RAET1L: variants seen among roughly 807,000 people sequenced by gnomAD.
The protein encoded by RAET1L is retinoic acid early transcript 1L, also known as UL16-binding protein 6.
RAET1L carries 16 observed loss-of-function variants against 23.9 expected under a neutral mutation model. The ratio of observed to expected loss-of-function variants is 0.67; its 90% CI spans 0.45 to 1.02. The LOEUF (loss-of-function observed/expected upper bound fraction) is 1.02, where lower values mean the gene tolerates loss of function less well. Among genes scored for constraint, RAET1L ranks in the 50% least tolerant of loss-of-function variants. RAET1L has a pLI of 0.00. For synonymous variants in RAET1L, 70 were observed against 111.2 expected, an observed-to-expected ratio of 0.63 and a Z score of 2.33; for missense variants, 233 against 304.0, an observed-to-expected ratio of 0.77 and a Z score of 1.74.
At chr6:150,025,247 G>A (rs1182673832) in intron 1 of RAET1L, 140 bp downstream of exon 1, 10 of 666,114 alleles carry the variant, frequency 1.5e-5, no homozygotes, top group Non-Finnish European at 1.5e-5. Context: ...AAGGAGCCCA[G>A]GAGGGGAACT....
intron 1 of RAET1L, 148 bp downstream of exon 1, chr6:150,025,239 G>A: frequency 1.6e-6 from 1 of 625,420 alleles, no homozygotes; most frequent in Non-Finnish European, 2.7e-6. Flanking sequence ...CCGGCGGGAA[G>A]GAGCCCAGGA....
In RAET1L at chr6:150,020,993, G is replaced by A; in HGVS notation, c.543C>T (p.Ser181=). ...AGTCTCCCATTGAGATGTAATGGAA[G>A]GACATGGCCACATCCTTGTCATTCT... The part of the protein sequence containing the change: ...KWENDKDVAM[S]FHYISMGDCI... The change falls in exon 3 of 5, where the codon TCC becomes TCT. Residue 181 remains serine, a synonymous_variant. Coordinates refer to ENST00000367341, the MANE Select transcript of RAET1L (RefSeq NM_130900.3). The A allele has an allele frequency of 6.2e-7, 1 of 1,614,194 alleles. No homozygotes were observed. Among genetic ancestry groups the A allele is most frequent in the Non-Finnish European group, 8.5e-7 (1 of 1,180,050 alleles).
rs1297769560 is a variant in RAET1L, at chr6:150,019,886, C to T, written c.*22+222G>A. ...GCCTTGGTATGGGCCCCTCCCTTTC[C>T]CTCTGGACTCTGAAGGTGAGAAACC... On this transcript the variant is annotated intron_variant, in intron 4 of 4. Coordinates refer to ENST00000367341, the MANE Select transcript of RAET1L (RefSeq NM_130900.3). Among the ~76,000 whole-genome samples, 2 of 124,576 alleles carry T rather than the reference C, an allele frequency of 1.6e-5. 1 individual carries two copies. Among genetic ancestry groups the T allele is most frequent in the South Asian group, 5.4e-4 (2 of 3,712 alleles). The allele number at this position is 124,576 out of a possible 152,430, so 81.7% of individuals were successfully genotyped here.
intron 3 of RAET1L, among the ~76,000 whole-genome samples, chr6:150,020,481 G>A (rs1477768591): frequency 6.6e-6 from 1 of 152,192 alleles, no homozygotes; most frequent in Non-Finnish European, 1.5e-5. Flanking sequence ...CCCTCCTGCT[G>A]TGGGGGAAGA....
In RAET1L at chr6:150,025,215, C is replaced by T. The variant is rs1280228389; in HGVS notation, c.85+172G>A. 2.6e-5 allele frequency among the ~76,000 whole-genome samples: 4 copies of T among 152,206 alleles called. No individual in the cohort carries two copies. The East Asian group carries it at 5.8e-4, about 22-fold the overall frequency. ...TCGCCCCTACTGGGGCAAGAACAGC[C>T]TTGGGGAGTGGACCCGGCGGGAAGG... On this transcript the variant is annotated intron_variant, in intron 1 of 4. Transcript: ENST00000367341.
chr6:150,023,351 C>T (rs1163247708), intron 1 of RAET1L, among the ~76,000 whole-genome samples: 1 of 151,878 alleles, frequency 6.6e-6, no homozygotes, highest in South Asian at 2.1e-4. Flanking sequence ...CCATCAAGAA[C>T]GAGGCTGCTT....
chr6:150,020,351 T>G (rs1372790211), intron 3 of RAET1L, 112 bp from the exon 4 acceptor site: 1 of 1,588,916 alleles, frequency 6.3e-7, no homozygotes, highest in Non-Finnish European at 8.6e-7. Context: ...TTTTGTCCCC[T>G]CCCCCCTGGT....
chr6:150,019,278 C>T (rs2114756718), intron 4 of RAET1L, among the ~76,000 whole-genome samples: 1 of 152,336 alleles, frequency 6.6e-6, no homozygotes, highest in South Asian at 2.1e-4. Context: ...TGAGCATCAC[C>T]TCACACTGGG....
At chr6:150,023,319 C>A (rs1253923488) in intron 1 of RAET1L, among the ~76,000 whole-genome samples, 2 of 151,900 alleles carry the variant, frequency 1.3e-5, no homozygotes, top group Non-Finnish European at 1.5e-5. Context: ...TAAACCAAAT[C>A]AGGAGGCTGA....
In RAET1L at chr6:150,021,103, C is replaced by T. The variant is rs369430003; in HGVS notation, c.433G>A (p.Gly145Arg). 3.8e-5 allele frequency: 62 copies of T among 1,613,996 alleles called. No individual in the cohort carries two copies. The African/African-American group carries it at 7.3e-4, about 19-fold the overall frequency. ...SSGSWQFSID[G>R]QTFLLFDSEK... ...GAGTCAAAGAGTAGGAAGGTCTGTC[C>T]ATCGATACTGAACTGCCAAGATCCA... The change falls in exon 3 of 5, where the codon GGA becomes AGA. Residue 145 changes from glycine (G) to arginine (R), a missense_variant. This residue lies in a region of RAET1L where 139 missense variants were observed against 125.3 expected (regional missense o/e 1.11). Coordinates refer to ENST00000367341, the MANE Select transcript of RAET1L (RefSeq NM_130900.3).
In RAET1L at chr6:150,025,356, C is replaced by A. The variant is rs544284619; in HGVS notation, c.85+31G>T. On this transcript the variant is annotated intron_variant, in intron 1 of 4. Coordinates refer to ENST00000367341, the MANE Select transcript of RAET1L (RefSeq NM_130900.3). ...TCCACAGTCCCTCAGGTTTGGCCCC[C>A]GCCCCGCTTAGGCTCCATCCACCAG... The A allele has an allele frequency of 5.5e-5, 88 of 1,597,754 alleles. No individual in the cohort carries two copies. In the Admixed American group the frequency reaches 6.5e-4, roughly 12 times the overall value.
At position 150,024,958 on chromosome 6, in the gene RAET1L, A is replaced by G. The variant is rs1052316674; in HGVS notation, c.85+429T>C. On this transcript the variant is annotated intron_variant, in intron 1 of 4. Transcript: ENST00000367341. The stretch of plus-strand genomic sequence containing the variant: ...CTGGAGGGTTTGTGTGGTAGAGAGC[A>G]GGTGAGAGCAGAGCAGGCTTGTGGC... Among the ~76,000 whole-genome samples the G allele has an allele frequency of 1.2e-4, 18 of 152,210 alleles. 3 individuals are homozygous for G. The East Asian group carries it at 2.5e-3, about 21-fold the overall frequency.
chr6:150,021,195 A>G lies in RAET1L; in HGVS notation c.350-9T>C, dbSNP rs1361612332. 6.2e-7 allele frequency: 1 copy of G among 1,607,734 alleles called. No individual in the cohort carries two copies. The highest frequency in any genetic ancestry group is 1.7e-5 in the Admixed American group (1 of 59,786). ...CTGCAGGGTGAGGGGTTCTGCCCCCATCAGAGAGAGATCAGCTCTGATCTT... is the reference window on the plus strand; with the variant it reads ...CTGCAGGGTGAGGGGTTCTGCCCCCGTCAGAGAGAGATCAGCTCTGATCTT... On this transcript the variant is annotated splice_polypyrimidine_tract_variant and intron_variant, in intron 2 of 4. Coordinates refer to ENST00000367341, the MANE Select transcript of RAET1L (RefSeq NM_130900.3).
intron 1 of RAET1L, 64 bp downstream of exon 1, chr6:150,025,323 C>T (rs1775874596): frequency 1.4e-5 from 19 of 1,398,144 alleles, no homozygotes; most frequent in Admixed American, 7.1e-5. Context: ...CTCTGAAACC[C>T]GCTGCAGTCC....
chr6:150,024,289 A>T (rs1187283940), intron 1 of RAET1L, among the ~76,000 whole-genome samples: 1 of 152,134 alleles, frequency 6.6e-6, no homozygotes, highest in Non-Finnish European at 1.5e-5. Context: ...TCACTTGGAG[A>T]TGACACCCTA....
At position 150,021,139 on chromosome 6, in the gene RAET1L, C is replaced by T. The variant is rs200800861; in HGVS notation, c.397G>A (p.Gly133Arg). Reference protein sequence around the residue: ...ARMSCEQKAEGHSSGSWQFSI... With the variant: ...ARMSCEQKAERHSSGSWQFSI... Reference sequence around the variant, plus strand: ...AACTGCCAAGATCCACTGCTGTGTCCTTCAGCTTTCTGCTCACAAGACATC... The same window carrying T: ...AACTGCCAAGATCCACTGCTGTGTCTTTCAGCTTTCTGCTCACAAGACATC... Residue 133 changes from glycine to arginine, a missense_variant, in exon 3 of 5, where the codon GGA (glycine) becomes AGA (arginine). Around this residue, in one of 4 missense-constraint regions of RAET1L, gnomAD observed 139 missense variants for 125.3 expected, o/e 1.11. Coordinates refer to ENST00000367341, the MANE Select transcript of RAET1L (RefSeq NM_130900.3). The T allele has an allele frequency of 6.2e-6, 10 of 1,613,950 alleles. No individual in the cohort carries two copies. Among genetic ancestry groups the T allele is most frequent in the African/African-American group, 1.3e-5 (1 of 74,868 alleles).
intron 1 of RAET1L, among the ~76,000 whole-genome samples, chr6:150,023,662 T>A (rs1582849174): frequency 6.6e-6 from 1 of 152,186 alleles, no homozygotes. Context: ...AAGTGCCCAA[T>A]GACCCAAGAC....
Position 150,025,304 on chromosome 6 carries a change from C to A in RAET1L, c.85+83G>T, listed in dbSNP as rs117522681. ...GAGATCTCCCTTGTCCTTCCAGAAG[C>A]CTTCCCTCCTCTGAAACCCGCTGCA... On this transcript the variant is annotated intron_variant, in intron 1 of 4. Transcript: ENST00000367341. 2.6e-5 allele frequency: 31 copies of A among 1,183,876 alleles called. No individual in the cohort carries two copies. The African/African-American group carries it at 4.5e-4, about 17-fold the overall frequency. 73.3% of individuals were successfully genotyped at this position (1,183,876 alleles called of 1,614,324 possible).
intron 4 of RAET1L, among the ~76,000 whole-genome samples, chr6:150,019,569 T>TTAATTCCTGGAACCTAAGCG (rs71010878): frequency 7.4e-6 from 1 of 134,366 alleles, no homozygotes. Context: ...ACCTTCCACC[T>TTAATTCCTGGAACCTAAGCG]ACTTTCTGTG....
Sources: allele counts gnomAD v4.1 joint callset (sites outside exome capture counted in the v4.1 genomes callset), GRCh38; gene constraint gnomAD v4.1.1; regional missense constraint gnomAD v4.1.1; transcripts MANE v1.5; gene names NCBI Gene and HGNC (gene_info 2026-07-23, HGNC 2026-07-21).